CAPN7: variants seen among roughly 807,000 people sequenced by gnomAD.
CAPN7 encodes the protein calpain-7.
CAPN7 carries 72 observed loss-of-function variants against 115.2 expected under a neutral mutation model. That is an observed-to-expected ratio of 0.63 (90% CI 0.52 to 0.76). The LOEUF is 0.76. CAPN7 is among the 30% of genes least tolerant of loss of function. CAPN7 has a pLI of 0.00. For missense variants in CAPN7, 905 were observed against 971.5 expected, an observed-to-expected ratio of 0.93 and a Z score of 0.91; for synonymous variants, 344 against 322.3, an observed-to-expected ratio of 1.07 and a Z score of -0.72.
At chr3:15,250,618 G>A (rs559733845) in intron 19 of CAPN7, among the ~76,000 whole-genome samples, 1 of 152,194 alleles carries the variant, frequency 6.6e-6, no homozygotes, top group Non-Finnish European at 1.5e-5. Context: ...GTTGCAGTGA[G>A]CCAAGATCGT....
Position 15,240,838 on chromosome 3 carries a change from C to A in CAPN7, c.1637C>A (p.Ser546Ter). ...LSWNPGLFKE[S>*]TCIHSTWDAK... is the part of the protein sequence containing the mutation. ...TGGAATCCAGGTCTTTTTAAAGAAT[C>A]AACATGTATTCACAGGTAACTTTTT... Residue 546 changes from serine (S) to a stop codon, truncating the protein, a stop_gained, in exon 14 of 21, where the codon TCA becomes TAA. Coordinates refer to ENST00000253693, the MANE Select transcript of CAPN7 (RefSeq NM_014296.3). LOFTEE classifies it high-confidence loss of function. 6.2e-7 allele frequency: 1 copy of A among 1,603,970 alleles called. No homozygotes were observed. Among genetic ancestry groups the A allele is most frequent in the South Asian group, 1.1e-5 (1 of 90,668 alleles).
chr3:15,250,662 ACT>A (rs772596171), intron 19 of CAPN7, among the ~76,000 whole-genome samples: 1 of 152,134 alleles, frequency 6.6e-6, no homozygotes, highest in Non-Finnish European at 1.5e-5. Flanking sequence ...GCAGAGTGAG[ACT>A]CTGTCTCAAA....
Position 15,210,782 on chromosome 3 carries a change from A to G in CAPN7, c.103-1322A>G, listed in dbSNP as rs1347010672. On this transcript the variant is annotated intron_variant, in intron 1 of 20. Coordinates refer to ENST00000253693, the MANE Select transcript of CAPN7 (RefSeq NM_014296.3). ...CCATGTTGCCCAGGCTGAAAACTGC[A>G]CTTTTCTTAATTTTGTTAGGTTCAG... 6 of 1,289,202 alleles carry G rather than the reference A, an allele frequency of 4.7e-6. No individual in the cohort carries two copies. In the East Asian group the frequency reaches 1.7e-4, roughly 36 times the overall value. 79.9% of individuals were successfully genotyped at this position (1,289,202 alleles called of 1,614,324 possible).
At chr3:15,244,473 A>C (rs1003102115) in intron 16 of CAPN7, among the ~76,000 whole-genome samples, 13 of 152,356 alleles carry the variant, frequency 8.5e-5, no homozygotes, top group African/African-American at 3.1e-4. Context: ...AAACATGGAA[A>C]GGTTAAAAAC....
chr3:15,248,954 C>T (rs903995023), intron 19 of CAPN7, among the ~76,000 whole-genome samples: 1 of 147,758 alleles, frequency 6.8e-6, no homozygotes, highest in African/African-American at 2.6e-5. Context: ...CCAGATGATG[C>T]CACTGCACTC....
At chr3:15,220,046 C>G (rs1693874529) in intron 4 of CAPN7, among the ~76,000 whole-genome samples, 1 of 151,960 alleles carries the variant, frequency 6.6e-6, no homozygotes, top group Non-Finnish European at 1.5e-5. Flanking sequence ...ACTAAAAATA[C>G]AAAAATTAGC....
chr3:15,215,822 A>G (rs1427439554), intron 2 of CAPN7, among the ~76,000 whole-genome samples: 1 of 152,324 alleles, frequency 6.6e-6, no homozygotes, highest in African/African-American at 2.4e-5. Flanking sequence ...GCAGTGGCTC[A>G]TGCCTGTAAT....
At chr3:15,230,368 A>G in intron 8 of CAPN7, 74 bp from the exon 9 acceptor site, 1 of 953,562 alleles carries the variant, frequency 1.0e-6, no homozygotes, top group Non-Finnish European at 1.7e-6. Context: ...TATATACCTG[A>G]ATGAAATGTG....
chr3:15,236,021 A>T (rs1378577281), intron 12 of CAPN7, among the ~76,000 whole-genome samples: 1 of 152,140 alleles, frequency 6.6e-6, no homozygotes, highest in Non-Finnish European at 1.5e-5. Context: ...ATAAAAAAAA[A>T]TTAGCTGGGC....
intron 16 of CAPN7, among the ~76,000 whole-genome samples, chr3:15,242,531 A>C (rs146181080): frequency 6.6e-6 from 1 of 152,192 alleles, no homozygotes; most frequent in African/African-American, 2.4e-5. Flanking sequence ...ACTCTAATCA[A>C]ATGTATTCTG....
At chr3:15,242,718 T>TA (rs1491567448) in intron 16 of CAPN7, among the ~76,000 whole-genome samples, 2 of 152,218 alleles carry the variant, frequency 1.3e-5, no homozygotes, top group African/African-American at 2.4e-5. Context: ...CATGGTTTCT[T>TA]CTCTCAAGAA....
Position 15,217,445 on chromosome 3 carries a change from C to T in CAPN7, c.232C>T (p.Pro78Ser). 1.9e-6 allele frequency: 3 copies of T among 1,612,482 alleles called. No homozygotes were observed. The highest frequency in any genetic ancestry group is 2.5e-6 in the Non-Finnish European group (3 of 1,179,282). The change falls in exon 3 of 21, where the codon CCT (proline) becomes TCT (serine). Residue 78 changes from proline (P) to serine (S), a missense_variant. Transcript: ENST00000253693. ...HSAVQSKSAD[P>S]LKSKHQLDLE... Reference sequence around the variant, plus strand: ...CCTAGTTCAGTCAAAGAGTGCTGATCCTTTGAAGTCAAAACATCAGTTGGA... The same window carrying T: ...CCTAGTTCAGTCAAAGAGTGCTGATTCTTTGAAGTCAAAACATCAGTTGGA...
At position 15,246,829 on chromosome 3, in the gene CAPN7, C is replaced by G. The variant is rs752590560; in HGVS notation, c.2073+35C>G. The G allele has an allele frequency of 6.9e-6, 10 of 1,444,998 alleles. No homozygotes were observed. In the South Asian group the frequency reaches 1.2e-4, roughly 18 times the overall value. 89.5% of individuals were successfully genotyped at this position (1,444,998 alleles called of 1,614,324 possible). A position where few individuals can be genotyped will look rare whatever the true frequency, so the allele number is the denominator to read the frequency against. ...TTCATTTGGTTGTAATCTCAGCATT[C>G]TTTTAGAATTTTTAAATTCCCTTTC... is the stretch of plus-strand genomic sequence containing the variant. On this transcript the variant is annotated intron_variant, in intron 18 of 20. Transcript: ENST00000253693.
rs763028089 is a variant in CAPN7 at position 15,240,528 on chromosome 3, G to C, written c.1463G>C (p.Arg488Thr). 1 of 1,613,128 alleles carries C rather than the reference G, an allele frequency of 6.2e-7. No individual in the cohort carries two copies. The highest frequency in any genetic ancestry group is 1.3e-5 in the African/African-American group (1 of 74,874). The change falls in exon 13 of 21, where the codon AGA becomes ACA. Residue 488 changes from arginine (R) to threonine (T), a missense_variant. Around this residue, in one of 3 missense-constraint regions of CAPN7, gnomAD observed 620 missense variants for 703.4 expected, o/e 0.88. Transcript: ENST00000253693. Reference sequence around the variant, plus strand: ...TGGAGTCATTTACGTTGGAAAGGAAGATACAGTGAAAATGATGTAAAAAAC... The same window carrying C: ...TGGAGTCATTTACGTTGGAAAGGAACATACAGTGAAAATGATGTAAAAAAC... Reference protein sequence around the residue: ...NPWSHLRWKGRYSENDVKNWT... With the variant: ...NPWSHLRWKGTYSENDVKNWT...
chr3:15,246,679 T>C (rs1303396559), intron 17 of CAPN7, 53 bp from the exon 18 acceptor site: 7 of 1,241,834 alleles, frequency 5.6e-6, no homozygotes, highest in Admixed American at 5.4e-5. Flanking sequence ...ATGTATCACT[T>C]TGATGTTCTT....
intron 1 of CAPN7, chr3:15,210,763 T>G: frequency 1.6e-6 from 2 of 1,288,066 alleles, no homozygotes; most frequent in African/African-American, 1.5e-5. Flanking sequence ...TTCACCATGT[T>G]GCCCAGGCTG....
chr3:15,214,704 A>G (rs574706808), intron 2 of CAPN7, among the ~76,000 whole-genome samples: 1 of 152,258 alleles, frequency 6.6e-6, no homozygotes, highest in South Asian at 2.1e-4. Flanking sequence ...ATGACAGAGT[A>G]AGACCCTGTC....
intron 19 of CAPN7, among the ~76,000 whole-genome samples, chr3:15,248,948 A>T (rs530093583): frequency 6.9e-6 from 1 of 144,682 alleles, no homozygotes; most frequent in East Asian, 2.2e-4. Context: ...GTGATCCCAG[A>T]TGATGCCACT....
chr3:15,249,330 T>A (rs1299721918), intron 19 of CAPN7, among the ~76,000 whole-genome samples: 3 of 152,318 alleles, frequency 2.0e-5, no homozygotes, highest in East Asian at 1.9e-4. Flanking sequence ...TCATTTTTTT[T>A]AATTATAAGC....
Sources: gnomAD v4.1 joint callset for allele counts (sites outside exome capture counted in the v4.1 genomes callset) on GRCh38, gnomAD v4.1.1 for gene constraint, gnomAD v4.1.1 regional missense constraint, MANE v1.5 for transcripts, NCBI Gene and HGNC (gene_info 2026-07-23, HGNC 2026-07-21) for gene names.